IFT43: variants seen among roughly 807,000 people sequenced by gnomAD.
IFT43 encodes the protein intraflagellar transport protein 43 homolog.
A neutral mutation model predicts 32.3 loss-of-function variants in IFT43; 33 were observed. The ratio of observed to expected loss-of-function variants is 1.02; its 90% confidence interval spans 0.77 to 1.37. IFT43 has a LOEUF of 1.37. Ranked by LOEUF, IFT43 falls within the 40% of genes most tolerant of loss-of-function variation. The pLI, the probability that IFT43 is intolerant of heterozygous loss-of-function variation, is 0.00. For missense variants in IFT43, 274 were observed against 265.9 expected (o/e 1.03, Z -0.21); for synonymous variants, 93 against 98.2 (o/e 0.95, Z 0.31).
intron 7 of IFT43, 115 bp from the exon 8 acceptor site, chr14:76,083,112 C>T (rs995807889): frequency 9.7e-7 from 1 of 1,030,772 alleles, no homozygotes; most frequent in Middle Eastern, 2.0e-4. Context: ...GGCATTCCTG[C>T]AGGTCTCAGT....
intron 3 of IFT43, among the ~76,000 whole-genome samples, chr14:76,027,331 A>G (rs2036417675): frequency 2.1e-5 from 1 of 48,646 alleles, no homozygotes; most frequent in Non-Finnish European, 4.9e-5. Flanking sequence ...CCCTTCCCCA[A>G]CACCCCCCAC....
At chr14:76,020,957 T>C (rs1482805137) in intron 2 of IFT43, among the ~76,000 whole-genome samples, 2 of 152,078 alleles carry the variant, frequency 1.3e-5, no homozygotes, top group African/African-American at 2.4e-5. Context: ...CATCAGGCTT[T>C]TGGGAGACAT....
In IFT43 at chr14:75,989,314, G is replaced by A. The variant is rs117238776; in HGVS notation, c.147+337G>A. ...AATGCCAGTGAGGCAGACTGGTGAC[G>A]TAAGGTTGGATTACACAATTGGACA... is the stretch of plus-strand genomic sequence containing the variant. On this transcript the variant is annotated intron_variant, in intron 2 of 8. Coordinates refer to ENST00000314067, the MANE Select transcript of IFT43 (RefSeq NM_001102564.3). Among the ~76,000 whole-genome samples, 358 of 152,128 alleles carry A rather than the reference G, an allele frequency of 2.4e-3. 1 individual carries two copies. Among genetic ancestry groups the A allele is most frequent in the Non-Finnish European group, 4.3e-3 (291 of 68,012 alleles).
chr14:76,076,582 C>G lies in IFT43; in HGVS notation c.296-5713C>G, dbSNP rs1234036335. 1 of 1,614,000 alleles carries G rather than the reference C, an allele frequency of 6.2e-7. No homozygotes were observed. Among genetic ancestry groups the G allele is most frequent in the Non-Finnish European group, 8.5e-7 (1 of 1,179,954 alleles). ...GCAAGCTGAGTCCAATCTAAGAAGTCACTTTCTGTTCTAGCGGTACCCAAA... is the reference window on the plus strand; with the variant it reads ...GCAAGCTGAGTCCAATCTAAGAAGTGACTTTCTGTTCTAGCGGTACCCAAA... On this transcript the variant is annotated intron_variant, in intron 5 of 8. Transcript: ENST00000314067.
chr14:76,077,093 T>C (rs1001645266), intron 5 of IFT43, among the ~76,000 whole-genome samples: 5 of 152,098 alleles, frequency 3.3e-5, no homozygotes, highest in Non-Finnish European at 5.9e-5. Flanking sequence ...AATGTGGAGA[T>C]TGGTGAAAAG....
chr14:76,078,880 G>A (rs2037457536), intron 5 of IFT43, among the ~76,000 whole-genome samples: 1 of 152,192 alleles, frequency 6.6e-6, no homozygotes, highest in Non-Finnish European at 1.5e-5. Flanking sequence ...AGGGTTGGTG[G>A]AGGTGGAGTC....
intron 2 of IFT43, among the ~76,000 whole-genome samples, chr14:75,994,599 A>G (rs952646603): frequency 2.4e-4 from 36 of 152,326 alleles, no homozygotes; most frequent in African/African-American, 8.4e-4. Context: ...AAGAAAGCTT[A>G]TGACTACATT....
chr14:76,016,549 G>C (rs1228107794), intron 2 of IFT43, among the ~76,000 whole-genome samples: 1 of 151,970 alleles, frequency 6.6e-6, no homozygotes, highest in East Asian at 1.9e-4. Context: ...GCCCTTTTGT[G>C]GTCCCATATA....
At chr14:76,020,858 G>A (rs2139952450) in intron 2 of IFT43, among the ~76,000 whole-genome samples, 1 of 152,300 alleles carries the variant, frequency 6.6e-6, no homozygotes, top group Non-Finnish European at 1.5e-5. Context: ...GCCTTGCTCA[G>A]GTGCCGGGGG....
intron 2 of IFT43, chr14:76,013,881 C>A: frequency 4.2e-6 from 1 of 238,902 alleles, no homozygotes. Context: ...CTGAAGACCA[C>A]AGTTAAAACA....
chr14:75,997,135 A>G (rs2035762121), intron 2 of IFT43, among the ~76,000 whole-genome samples: 1 of 152,206 alleles, frequency 6.6e-6, no homozygotes. Flanking sequence ...AGGGGGAAGA[A>G]TATTCCAGGT....
At chr14:76,022,520 C>A in intron 3 of IFT43, 126 bp downstream of exon 3, 1 of 635,578 alleles carries the variant, frequency 1.6e-6, no homozygotes, top group Non-Finnish European at 2.9e-6. Flanking sequence ...TACAATTCAC[C>A]CACTTAAAAT....
chr14:76,070,763 C>T (rs1001291983), intron 5 of IFT43, among the ~76,000 whole-genome samples: 1 of 151,882 alleles, frequency 6.6e-6, no homozygotes, highest in African/African-American at 2.4e-5. Context: ...AAGTGTGTGG[C>T]GCCTCCCCAC....
chr14:75,999,241 A>ATAATATTCATTTATATATAAATTCATTT (rs1555362893), intron 2 of IFT43, among the ~76,000 whole-genome samples: 84 of 12,844 alleles, frequency 6.5e-3, no homozygotes, highest in Non-Finnish European at 9.8e-3. Context: ...ATATATATAT[A>ATAATATTCATTTATATATAAATTCATTT]TATATATATA....
chr14:76,045,555 A>G (rs1012831148), intron 3 of IFT43, among the ~76,000 whole-genome samples: 1 of 152,202 alleles, frequency 6.6e-6, no homozygotes, highest in Non-Finnish European at 1.5e-5. Context: ...TCCAGGGCTT[A>G]GCAGCCCGGG....
At chr14:76,000,335 G>T (rs1255181214) in intron 2 of IFT43, among the ~76,000 whole-genome samples, 5 of 148,496 alleles carry the variant, frequency 3.4e-5, no homozygotes, top group Non-Finnish European at 5.9e-5. Flanking sequence ...CACAATCTCG[G>T]CTCACCACAA....
chr14:76,048,823 G>C (rs966370734), intron 3 of IFT43, among the ~76,000 whole-genome samples: 5 of 152,150 alleles, frequency 3.3e-5, no homozygotes, highest in African/African-American at 9.7e-5. Context: ...GATTCACCAG[G>C]GTGGGCCCTG....
chr14:76,010,201 GCACCTTCC>G (rs1392302544), intron 2 of IFT43, among the ~76,000 whole-genome samples: 7 of 152,180 alleles, frequency 4.6e-5, no homozygotes, highest in Admixed American at 1.3e-4. Context: ...TTATCTAAAA[GCACCTTCC>G]TCCGTCACCT....
At chr14:76,049,271 T>C (rs2036867059) in intron 3 of IFT43, among the ~76,000 whole-genome samples, 3 of 152,212 alleles carry the variant, frequency 2.0e-5, no homozygotes, top group African/African-American at 7.2e-5. Context: ...AGTTATTCTT[T>C]TCCACTAGCT....
Sources: allele counts gnomAD v4.1 joint callset (sites outside exome capture counted in the v4.1 genomes callset), GRCh38; gene constraint gnomAD v4.1.1; transcripts MANE v1.5; gene names NCBI Gene and HGNC (gene_info 2026-07-23, HGNC 2026-07-21).